The following SPIRE2 variants were observed in gnomAD, a reference collection of about 807,000 sequenced individuals.
The protein encoded by SPIRE2 is protein spire homolog 2.
SPIRE2 carries 76 observed loss-of-function variants against 80.7 expected under a neutral mutation model. The ratio of observed to expected loss-of-function variants is 0.94; its 90% CI spans 0.78 to 1.14. The LOEUF is 1.14. SPIRE2 is among the 50% of genes most tolerant of loss of function. SPIRE2 has a pLI of 0.00. For missense variants in SPIRE2, 1,196 were observed against 1,015.3 expected, an observed-to-expected ratio of 1.18 and a Z score of -2.42; for synonymous variants, 535 against 432.6, an observed-to-expected ratio of 1.24 and a Z score of -2.94.
intron 1 of SPIRE2, among the ~76,000 whole-genome samples, chr16:89,829,435 G>T (rs1291721972): frequency 1.3e-5 from 2 of 152,236 alleles, no homozygotes; most frequent in Non-Finnish European, 2.9e-5. Flanking sequence ...GAAAAAAACC[G>T]AAAGTGATTT....
In SPIRE2 at chr16:89,845,344, A is replaced by G. The variant is rs1287649595; in HGVS notation, c.267A>G (p.Pro89=). 1 of 1,614,200 alleles carries G rather than the reference A, an allele frequency of 6.2e-7. No homozygotes were observed. The highest frequency in any genetic ancestry group is 1.7e-5 in the Admixed American group (1 of 60,018). ...CAGAACCTGCAACCATGGTCGTGCC[A>G]CTAGCCAGCTCGGAAGCCCAGGTAC... is the stretch of plus-strand genomic sequence containing the variant. ...EAAEPATMVV[P]LASSEAQTVQ... is the part of the protein sequence containing the mutation. The change falls in exon 2 of 15, where the codon CCA becomes CCG. Residue 89 remains proline, a synonymous_variant. Transcript: ENST00000378247.
At chr16:89,851,400 C>G (rs1044707174) in intron 3 of SPIRE2, among the ~76,000 whole-genome samples, 1 of 152,144 alleles carries the variant, frequency 6.6e-6, no homozygotes, top group African/African-American at 2.4e-5. Flanking sequence ...ACGGGCCGTT[C>G]GGTGAGAAAG....
intron 2 of SPIRE2, chr16:89,850,097 A>G (rs1781149138): frequency 2.9e-6 from 2 of 691,442 alleles, no homozygotes; most frequent in Admixed American, 4.0e-5. Flanking sequence ...CGGCCTCCCA[A>G]AGTGCTGGGA....
At chr16:89,843,882 G>A (rs1384535819) in intron 1 of SPIRE2, among the ~76,000 whole-genome samples, 1 of 143,482 alleles carries the variant, frequency 7.0e-6, no homozygotes, top group East Asian at 2.0e-4. Flanking sequence ...TGTATTTTTT[G>A]GAGAGATGAG....
intron 12 of SPIRE2, among the ~76,000 whole-genome samples, chr16:89,865,689 G>T (rs2041782818): frequency 6.6e-6 from 1 of 152,124 alleles, no homozygotes; most frequent in Admixed American, 6.6e-5. Context: ...GTAAGGCTGG[G>T]CCGGGCGCGG....
At chr16:89,836,043 CG>C (rs1437576368) in intron 1 of SPIRE2, among the ~76,000 whole-genome samples, 4 of 152,034 alleles carry the variant, frequency 2.6e-5, no homozygotes, top group Non-Finnish European at 5.9e-5. Context: ...AGCTTGGTGG[CG>C]GGCGTCTGTA....
At chr16:89,854,457 T>C in intron 4 of SPIRE2, 30 bp from the exon 5 acceptor site, 6 of 1,611,150 alleles carry the variant, frequency 3.7e-6, no homozygotes, top group Non-Finnish European at 5.1e-6. Flanking sequence ...CACCTGGGGC[T>C]GAGACCCATT....
chr16:89,835,961 G>A (rs1195933868), intron 1 of SPIRE2, among the ~76,000 whole-genome samples: 3 of 152,148 alleles, frequency 2.0e-5, no homozygotes, highest in Non-Finnish European at 4.4e-5. Flanking sequence ...GATCACATGA[G>A]GTCAGGAGTT....
intron 12 of SPIRE2, among the ~76,000 whole-genome samples, chr16:89,864,751 A>AGTTT (rs1315924821): frequency 1.3e-5 from 2 of 152,238 alleles, no homozygotes; most frequent in African/African-American, 4.8e-5. Context: ...CATAAAAGCA[A>AGTTT]GACCTGAAAG....
At chr16:89,866,875 C>T (rs2041794284) in intron 12 of SPIRE2, among the ~76,000 whole-genome samples, 1 of 151,954 alleles carries the variant, frequency 6.6e-6, no homozygotes, top group South Asian at 2.1e-4. Flanking sequence ...TCCCAAAGTG[C>T]TGGGATTACA....
intron 1 of SPIRE2, among the ~76,000 whole-genome samples, chr16:89,831,523 G>A (rs572287139): frequency 1.1e-4 from 16 of 149,092 alleles, no homozygotes; most frequent in Admixed American, 3.3e-4. Flanking sequence ...TCAGCGTCCC[G>A]AGTAGCTGGG....
intron 13 of SPIRE2, 135 bp downstream of exon 13, chr16:89,868,351 A>G: frequency 2.1e-6 from 2 of 954,758 alleles, no homozygotes; most frequent in East Asian, 4.9e-5. Flanking sequence ...CCATTCCTAT[A>G]CTTTCCAAGA....
chr16:89,840,375 G>A (rs968561725), intron 1 of SPIRE2, among the ~76,000 whole-genome samples: 13 of 148,092 alleles, frequency 8.8e-5, no homozygotes, highest in Non-Finnish European at 1.3e-4. Flanking sequence ...TCAGCCTCCC[G>A]AATAACTGGG....
Position 89,863,950 on chromosome 16 carries a change from C to A in SPIRE2, c.1778+89C>A. The A allele has an allele frequency of 1.0e-6, 1 of 969,084 alleles. No homozygotes were observed. Among genetic ancestry groups the A allele is most frequent in the Non-Finnish European group, 1.6e-6 (1 of 625,392 alleles). The allele number at this position is 969,084 out of a possible 1,614,324, so 60.0% of individuals were successfully genotyped here. A position where few individuals can be genotyped will look rare whatever the true frequency, so the allele number is the denominator to read the frequency against. On this transcript the variant is annotated intron_variant, in intron 12 of 14. Transcript: ENST00000378247. The surrounding 1 kb of genome is among the most constrained non-coding windows in gnomAD (Gnocchi z 4.3). ...ACCGCCCACAGAACTTCCTGTGATTCCAGGAATGTTCTAGCATGTTCGATG... is the reference window on the plus strand; with the variant it reads ...ACCGCCCACAGAACTTCCTGTGATTACAGGAATGTTCTAGCATGTTCGATG...
In SPIRE2 at chr16:89,870,923, T is replaced by A. The variant is rs1362171111; in HGVS notation, c.*651T>A. On this transcript the variant is annotated 3_prime_UTR_variant, in exon 15 of 15. Coordinates refer to ENST00000378247, the MANE Select transcript of SPIRE2 (RefSeq NM_032451.2). ...CAACATGATGAAATGTTGTCTCTACTGAAAATGCAAAAATTAGCCAGGTAT... is the reference window on the plus strand; with the variant it reads ...CAACATGATGAAATGTTGTCTCTACAGAAAATGCAAAAATTAGCCAGGTAT... The A allele has an allele frequency of 2.0e-5, 3 of 152,656 alleles. No individual in the cohort carries two copies. Among genetic ancestry groups the A allele is most frequent in the African/African-American group, 7.2e-5 (3 of 41,396 alleles). 9.5% of individuals were successfully genotyped at this position (152,656 alleles called of 1,614,324 possible).
chr16:89,862,830 G>A (rs1322740519), intron 10 of SPIRE2: 2 of 152,854 alleles, frequency 1.3e-5, no homozygotes, highest in Non-Finnish European at 2.9e-5. Context: ...AGTGATGACC[G>A]ACACTGCGAA....
At chr16:89,841,718 A>G (rs2041507627) in intron 1 of SPIRE2, among the ~76,000 whole-genome samples, 1 of 150,336 alleles carries the variant, frequency 6.7e-6, no homozygotes, top group Non-Finnish European at 1.5e-5. Context: ...TTTTTTTGAG[A>G]TGGAGTTTTG....
At chr16:89,844,781 C>G (rs1448909141) in intron 1 of SPIRE2, among the ~76,000 whole-genome samples, 1 of 152,186 alleles carries the variant, frequency 6.6e-6, no homozygotes, top group South Asian at 2.1e-4. Flanking sequence ...CAGGGGCTTA[C>G]TATGTTGTCC....
At position 89,850,442 on chromosome 16, in the gene SPIRE2, G is replaced by C; in HGVS notation, c.427G>C (p.Gly143Arg). Residue 143 changes from glycine (G) to arginine (R), a missense_variant, in exon 3 of 15, where the codon GGT becomes CGT. Transcript: ENST00000378247. ...ANNDSEDSGCGAADEGYGGPE... is the reference protein window; with the variant it reads ...ANNDSEDSGCRAADEGYGGPE... Reference sequence around the variant, plus strand: ...CAACGACAGCGAGGACAGCGGCTGCGGTGCCGCCGATGAGGGCTACGGGGG... The same window carrying C: ...CAACGACAGCGAGGACAGCGGCTGCCGTGCCGCCGATGAGGGCTACGGGGG... 1 of 1,569,434 alleles carries C rather than the reference G, an allele frequency of 6.4e-7. No homozygotes were observed. The highest frequency in any genetic ancestry group is 1.3e-5 in the African/African-American group (1 of 74,500).
Sources: gnomAD v4.1 joint callset for allele counts (sites outside exome capture counted in the v4.1 genomes callset) on GRCh38, gnomAD v4.1.1 for gene constraint, Gnocchi (gnomAD v3.1) non-coding constraint, MANE v1.5 for transcripts, NCBI Gene and HGNC (gene_info 2026-07-23, HGNC 2026-07-21) for gene names.